The following WDR72 variants were observed in gnomAD, a reference collection of about 807,000 sequenced individuals.
WDR72 encodes the protein WD repeat domain 72, also known as WD repeat-containing protein 72.
In WDR72, 120 loss-of-function variants were observed where a neutral mutation model predicts 124.2. The ratio of observed to expected loss-of-function variants is 0.97; its 90% confidence interval spans 0.83 to 1.12. WDR72 has a LOEUF of 1.12. Among genes scored for constraint, WDR72 ranks in the 50% most tolerant of loss-of-function variants. WDR72 has a pLI of 0.00. For synonymous variants in WDR72, 452 were observed against 441.7 expected (o/e 1.02, Z -0.29); for missense variants, 1,387 against 1,278.8 (o/e 1.08, Z -1.29).
Position 53,515,674 on chromosome 15 carries a change from A to G in WDR72, c.*2025T>C, listed in dbSNP as rs1198990158. 6.6e-6 allele frequency: 1 copy of G among 152,164 alleles called. No homozygotes were observed. The highest frequency in any genetic ancestry group is 1.5e-5 in the Non-Finnish European group (1 of 68,018). 9.4% of individuals were successfully genotyped at this position (152,164 alleles called of 1,614,324 possible). A position where few individuals can be genotyped will look rare whatever the true frequency, so the allele number is the denominator to read the frequency against. On this transcript the variant is annotated 3_prime_UTR_variant, in exon 20 of 20. Transcript: ENST00000360509. ...GATGCCGAAAAATCCTAACATTTCC[A>G]CTTAGTAATGTCAGGGTTGTGCCAG...
chr15:53,601,329 G>A (rs1362419821), intron 17 of WDR72, among the ~76,000 whole-genome samples: 3 of 151,936 alleles, frequency 2.0e-5, no homozygotes, highest in African/African-American at 4.8e-5. Flanking sequence ...CATTACCACC[G>A]GACCTGTCTT....
chr15:53,607,227 C>T (rs2013324769), intron 17 of WDR72, among the ~76,000 whole-genome samples: 1 of 151,660 alleles, frequency 6.6e-6, no homozygotes, highest in Non-Finnish European at 1.5e-5. Flanking sequence ...TCCTCTAAGT[C>T]AACTCACAGA....
At chr15:53,592,827 T>C (rs1478168932) in intron 18 of WDR72, among the ~76,000 whole-genome samples, 1 of 152,136 alleles carries the variant, frequency 6.6e-6, no homozygotes, top group Non-Finnish European at 1.5e-5. Context: ...ATAGAAACTA[T>C]TGCTGTTTTT....
chr15:53,715,864 T>C (rs28612415), intron 4 of WDR72, among the ~76,000 whole-genome samples: 1 of 152,166 alleles, frequency 6.6e-6, no homozygotes, highest in Non-Finnish European at 1.5e-5. Context: ...TTCCTTGCCA[T>C]AGCAACAATG....
chr15:53,547,874 C>G (rs987298874), intron 18 of WDR72, among the ~76,000 whole-genome samples: 1 of 152,102 alleles, frequency 6.6e-6, no homozygotes, highest in Non-Finnish European at 1.5e-5. Flanking sequence ...TTCATTGTTT[C>G]TGCAGGAATG....
rs202048844 is a variant in WDR72, at chr15:53,726,202, G to A, written c.154-3294C>T. 6.4e-3 allele frequency among the ~76,000 whole-genome samples: 890 copies of A among 139,414 alleles called. 15 individuals carry two copies. Among genetic ancestry groups the A allele is most frequent in the South Asian group, 0.05 (230 of 4,594 alleles). The allele number at this position is 139,414 out of a possible 152,430, so 91.5% of individuals were successfully genotyped here. A position where few individuals can be genotyped will look rare whatever the true frequency, so the allele number is the denominator to read the frequency against. On this transcript the variant is annotated intron_variant, in intron 2 of 19. Coordinates refer to ENST00000360509, the MANE Select transcript of WDR72 (RefSeq NM_182758.4). ...AATATATATATATATATGTGTGTGTGTATATATATATGTATGTGTATATAT... is the reference window on the plus strand; with the variant it reads ...AATATATATATATATATGTGTGTGTATATATATATATGTATGTGTATATAT...
chr15:53,708,000 G>T (rs2017431144), intron 9 of WDR72, among the ~76,000 whole-genome samples: 1 of 152,150 alleles, frequency 6.6e-6, no homozygotes, highest in South Asian at 2.1e-4. Context: ...GGCAGCTGAA[G>T]TTCCCTGTTG....
At chr15:53,632,427 C>T (rs932236643) in intron 14 of WDR72, among the ~76,000 whole-genome samples, 2 of 152,052 alleles carry the variant, frequency 1.3e-5, no homozygotes, top group African/African-American at 2.4e-5. Context: ...CAGAAGTCTG[C>T]CGCAGGAGTG....
intron 19 of WDR72, among the ~76,000 whole-genome samples, chr15:53,522,804 A>G (rs971129450): frequency 1.3e-5 from 2 of 152,040 alleles, no homozygotes; most frequent in African/African-American, 4.8e-5. Context: ...TGTTTCTAGA[A>G]AGGTAAATAG....
At chr15:53,617,588 T>C (rs548757433) in intron 14 of WDR72, among the ~76,000 whole-genome samples, 1 of 151,894 alleles carries the variant, frequency 6.6e-6, no homozygotes, top group Non-Finnish European at 1.5e-5. Context: ...TATTAATAAA[T>C]AATTTTTGCA....
intron 18 of WDR72, among the ~76,000 whole-genome samples, chr15:53,530,991 G>A (rs138204902): frequency 2.6e-5 from 4 of 152,152 alleles, no homozygotes; most frequent in Admixed American, 6.6e-5. Context: ...AAGGGAAAGC[G>A]TTTGTCTCAG....
At chr15:53,760,461 C>T (rs2019041011), upstream of WDR72, among the ~76,000 whole-genome samples, 1 of 152,290 alleles carries the variant, frequency 6.6e-6, no homozygotes, top group East Asian at 1.9e-4. Context: ...GGTTATTTCA[C>T]TTAACATAAT....
At chr15:53,744,037 T>A (rs1221958506) in intron 1 of WDR72, among the ~76,000 whole-genome samples, 1 of 152,076 alleles carries the variant, frequency 6.6e-6, no homozygotes, top group Non-Finnish European at 1.5e-5. Context: ...TACCTTCTTG[T>A]AGTAAATGTG....
At chr15:53,756,537 C>T (rs689743) in intron 1 of WDR72, 148,789 of 152,236 alleles carry the variant, frequency 0.98, 72,789 homozygotes, top group East Asian at 1. Context: ...ATCCTGTACT[C>T]GCTTATTGTT....
intron 16 of WDR72, among the ~76,000 whole-genome samples, chr15:53,611,448 T>G (rs1270621591): frequency 6.6e-6 from 1 of 151,994 alleles, no homozygotes; most frequent in African/African-American, 2.4e-5. Flanking sequence ...ATATTAAATC[T>G]TAAATTCCAA....
intron 18 of WDR72, among the ~76,000 whole-genome samples, chr15:53,529,429 T>A (rs1348577184): frequency 6.6e-6 from 1 of 151,830 alleles, no homozygotes; most frequent in Non-Finnish European, 1.5e-5. Flanking sequence ...GAGACTCAAA[T>A]ATTCTGCCAG....
intron 9 of WDR72, among the ~76,000 whole-genome samples, chr15:53,710,444 A>T (rs901773914): frequency 2.0e-5 from 3 of 152,132 alleles, no homozygotes; most frequent in African/African-American, 7.2e-5. Flanking sequence ...TCTAAGTAAA[A>T]CGTATATGAA....
At chr15:53,709,137 A>G (rs907980332) in intron 9 of WDR72, among the ~76,000 whole-genome samples, 7 of 152,170 alleles carry the variant, frequency 4.6e-5, no homozygotes, top group East Asian at 1.9e-4. Context: ...TCCTACCACA[A>G]TGCCTTCATT....
Position 53,703,133 on chromosome 15 carries a change from C to T in WDR72, c.1349-779G>A, listed in dbSNP as rs139694195. 7.1e-4 allele frequency among the ~76,000 whole-genome samples: 108 copies of T among 152,232 alleles called. 1 individual carries two copies. The highest frequency in any genetic ancestry group is 2.5e-3 in the African/African-American group (102 of 41,542). On this transcript the variant is annotated intron_variant, in intron 11 of 19. Coordinates refer to ENST00000360509, the MANE Select transcript of WDR72 (RefSeq NM_182758.4). ...GTCACCATAATGCTCACACTGGTCT[C>T]AAACTCCTGGGCTCAAGGGATCCAC... is the stretch of plus-strand genomic sequence containing the variant.
Sources: gnomAD v4.1 joint callset for allele counts (sites outside exome capture counted in the v4.1 genomes callset) on GRCh38, gnomAD v4.1.1 for gene constraint, MANE v1.5 for transcripts, NCBI Gene and HGNC (gene_info 2026-07-23, HGNC 2026-07-21) for gene names.